The following UBE3C variants were observed in gnomAD, a reference collection of about 807,000 sequenced individuals.
The protein encoded by UBE3C is ubiquitin protein ligase E3C, also known as ubiquitin-protein ligase E3C.
Under a neutral mutation model 129.4 loss-of-function variants are expected in UBE3C, and 42 were observed. The observed-to-expected ratio is 0.32, with a 90% CI of 0.25 to 0.42. The LOEUF (loss-of-function observed/expected upper bound fraction) is 0.42. UBE3C is among the 10% of genes least tolerant of loss of function. The probability of loss-of-function intolerance (pLI) is 1.00; values close to 1 mark genes in which losing one functional copy is unlikely to be tolerated. For synonymous variants in UBE3C, 510 were observed against 492.4 expected, an observed-to-expected ratio of 1.04 and a Z score of -0.47; for missense variants, 1,049 against 1,319.1, an observed-to-expected ratio of 0.80 and a Z score of 3.17.
At chr7:157,153,343 A>G (rs1807810948) in intron 1 of UBE3C, among the ~76,000 whole-genome samples, 2 of 152,148 alleles carry the variant, frequency 1.3e-5, no homozygotes, top group African/African-American at 4.8e-5. Context: ...GAAATTTTAG[A>G]AAGTGTAACC....
intron 19 of UBE3C, among the ~76,000 whole-genome samples, chr7:157,251,062 G>A (rs923634767): frequency 2.6e-5 from 4 of 152,154 alleles, no homozygotes; most frequent in African/African-American, 9.7e-5. Flanking sequence ...GATAATGTAT[G>A]AGAATAATTA....
At chr7:157,146,247 CTT>C (rs893631963) in intron 1 of UBE3C, among the ~76,000 whole-genome samples, 1 of 146,326 alleles carries the variant, frequency 6.8e-6, no homozygotes, top group Non-Finnish European at 1.5e-5. Flanking sequence ...GGATCTATTT[CTT>C]TTTTTTTTTT....
chr7:157,163,703 A>G, intron 1 of UBE3C, 107 bp from the exon 2 acceptor site: 1 of 1,203,154 alleles, frequency 8.3e-7, no homozygotes, highest in South Asian at 1.4e-5. Context: ...GCTTGTTTGG[A>G]TGATCTTTAG....
rs574549972 is a variant in UBE3C, at chr7:157,222,922, G to A, written c.2003-332G>A. ...GGTGGTCGGGGGTGGCCAGGGCACCGCCCACTGCTGGATCTGGCTGCATTC... is the reference window on the plus strand; with the variant it reads ...GGTGGTCGGGGGTGGCCAGGGCACCACCCACTGCTGGATCTGGCTGCATTC... On this transcript the variant is annotated intron_variant, in intron 15 of 22. Coordinates refer to ENST00000348165, the MANE Select transcript of UBE3C (RefSeq NM_014671.3). 2.0e-3 allele frequency: 480 copies of A among 240,216 alleles called. 3 individuals carry two copies. Among genetic ancestry groups the A allele is most frequent in the African/African-American group, 0.01 (452 of 44,016 alleles). The allele number at this position is 240,216 out of a possible 1,614,324, so 14.9% of individuals were successfully genotyped here.
intron 9 of UBE3C, among the ~76,000 whole-genome samples, chr7:157,184,613 T>C (rs1209267749): frequency 6.6e-6 from 1 of 152,236 alleles, no homozygotes; most frequent in Non-Finnish European, 1.5e-5. Flanking sequence ...GAGGTATGGC[T>C]ATCATAAGTT....
chr7:157,198,295 T>G, intron 10 of UBE3C: 1 of 877,094 alleles, frequency 1.1e-6, no homozygotes, highest in South Asian at 1.3e-5. Context: ...AGACTGCAGC[T>G]TTAGGTCTGT....
At chr7:157,175,106 T>TTTTA in intron 5 of UBE3C, 72 bp downstream of exon 5, 1 of 1,064,766 alleles carries the variant, frequency 9.4e-7, no homozygotes, top group Non-Finnish European at 1.3e-6. Context: ...ACCTTTTGAC[T>TTTTA]TTTATTTTCA....
intron 10 of UBE3C, among the ~76,000 whole-genome samples, chr7:157,200,286 G>A (rs369489682): frequency 6.6e-6 from 1 of 150,688 alleles, no homozygotes; most frequent in South Asian, 2.1e-4. Flanking sequence ...ATCTCAAAAT[G>A]CATTACATTA....
In UBE3C at chr7:157,169,039, A is replaced by G. The variant is rs1194373331; in HGVS notation, c.121-9A>G. On this transcript the variant is annotated splice_polypyrimidine_tract_variant and intron_variant, in intron 2 of 22. Transcript: ENST00000348165. ...CAATTGCTCCCTCACTCCTCCTTTT[A>G]TTGTTTAGGAAGAAAGGCGAAGGTT... 1 of 1,612,182 alleles carries G rather than the reference A, an allele frequency of 6.2e-7. No homozygotes were observed. The highest frequency in any genetic ancestry group is 1.3e-5 in the African/African-American group (1 of 74,866).
chr7:157,195,813 G>A (rs1809103795), intron 10 of UBE3C, among the ~76,000 whole-genome samples: 1 of 152,178 alleles, frequency 6.6e-6, no homozygotes, highest in Non-Finnish European at 1.5e-5. Context: ...GCACCTATGA[G>A]TGACGTAAAT....
intron 13 of UBE3C, among the ~76,000 whole-genome samples, chr7:157,214,540 G>A (rs531634266): frequency 7.9e-5 from 12 of 152,212 alleles, no homozygotes; most frequent in South Asian, 6.2e-4. Flanking sequence ...CTTTGTTAAC[G>A]GTTGGGGTGA....
At chr7:157,204,296 G>C (rs1203267465) in intron 11 of UBE3C, among the ~76,000 whole-genome samples, 4 of 151,538 alleles carry the variant, frequency 2.6e-5, no homozygotes, top group African/African-American at 7.3e-5. Context: ...CAGCTTTAGT[G>C]GGCAGAAGTA....
chr7:157,243,232 G>C (rs952686853), intron 18 of UBE3C, among the ~76,000 whole-genome samples: 1 of 152,192 alleles, frequency 6.6e-6, no homozygotes, highest in South Asian at 2.1e-4. Context: ...TTGGAGATGA[G>C]AAGGGCAATC....
At chr7:157,244,766 A>G (rs1008254508) in intron 18 of UBE3C, among the ~76,000 whole-genome samples, 1 of 152,240 alleles carries the variant, frequency 6.6e-6, no homozygotes, top group Non-Finnish European at 1.5e-5. Flanking sequence ...TTTTTATTTC[A>G]AATCATTTTG....
chr7:157,201,899 G>T, intron 11 of UBE3C, 92 bp downstream of exon 11: 1 of 1,002,782 alleles, frequency 1.0e-6, no homozygotes, highest in East Asian at 2.5e-5. Flanking sequence ...TTTAAGTCCT[G>T]TTTATACTGG....
intron 1 of UBE3C, among the ~76,000 whole-genome samples, chr7:157,142,456 C>T (rs182622771): frequency 6.6e-6 from 1 of 152,274 alleles, no homozygotes; most frequent in East Asian, 1.9e-4. Flanking sequence ...GTAATTGCTA[C>T]ATTCTAAATT....
intron 22 of UBE3C, among the ~76,000 whole-genome samples, chr7:157,264,314 C>CAT (rs1797010686): frequency 7.4e-6 from 1 of 134,590 alleles, no homozygotes; most frequent in Non-Finnish European, 1.6e-5. Flanking sequence ...CACACACACA[C>CAT]ACACCTGGTA....
chr7:157,148,250 A>T (rs1436444477), intron 1 of UBE3C, among the ~76,000 whole-genome samples: 1 of 151,922 alleles, frequency 6.6e-6, no homozygotes, highest in Non-Finnish European at 1.5e-5. Flanking sequence ...ACAGGCGCCC[A>T]CCACCAGGCC....
chr7:157,201,295 G>A (rs1002264445), intron 10 of UBE3C, among the ~76,000 whole-genome samples: 5 of 152,216 alleles, frequency 3.3e-5, no homozygotes, highest in Non-Finnish European at 7.4e-5. Flanking sequence ...CTGCACTCCA[G>A]CCTGGGCAAC....
Sources: allele counts gnomAD v4.1 joint callset (sites outside exome capture counted in the v4.1 genomes callset), GRCh38; gene constraint gnomAD v4.1.1; transcripts MANE v1.5; gene names NCBI Gene and HGNC (gene_info 2026-07-23, HGNC 2026-07-21).